PPFIBP1: variants seen among roughly 807,000 people sequenced by gnomAD.
PPFIBP1 encodes PPFIB scaffold protein 1, also known as liprin-beta-1.
A neutral mutation model predicts 137.8 loss-of-function variants in PPFIBP1; 112 were observed. The observed-to-expected ratio is 0.81, with a 90% CI of 0.70 to 0.95. The LOEUF is 0.95. Among genes scored for constraint, PPFIBP1 ranks in the 40% least tolerant of loss-of-function variants. The pLI is 0.00. For missense variants in PPFIBP1, 1,083 were observed against 1,196.6 expected (o/e 0.91, Z 1.40); for synonymous variants, 378 against 417.3 (o/e 0.91, Z 1.15).
intron 1 of PPFIBP1, among the ~76,000 whole-genome samples, chr12:27,555,424 T>C (rs961286018): frequency 1.3e-5 from 2 of 152,238 alleles, no homozygotes; most frequent in Admixed American, 1.3e-4. Flanking sequence ...ATAGATTCCT[T>C]ATTCCTTTAT....
chr12:27,659,523 G>A (rs1324580548), intron 10 of PPFIBP1, among the ~76,000 whole-genome samples: 1 of 152,054 alleles, frequency 6.6e-6, no homozygotes, highest in Non-Finnish European at 1.5e-5. Flanking sequence ...TGAGGTGGAA[G>A]GATCACTTGA....
intron 3 of PPFIBP1, among the ~76,000 whole-genome samples, chr12:27,634,246 T>C (rs1415980719): frequency 6.6e-6 from 1 of 151,286 alleles, no homozygotes; most frequent in African/African-American, 2.4e-5. Flanking sequence ...ACATGCATAG[T>C]GCAGCCTTGA....
At chr12:27,580,165 C>CA (rs1421089869) in intron 2 of PPFIBP1, among the ~76,000 whole-genome samples, 3 of 152,162 alleles carry the variant, frequency 2.0e-5, no homozygotes, top group Admixed American at 2.0e-4. Context: ...AAAATAGAGG[C>CA]AGGCCTGAGC....
chr12:27,684,470 A>G (rs915804982), intron 24 of PPFIBP1, among the ~76,000 whole-genome samples: 7 of 152,236 alleles, frequency 4.6e-5, no homozygotes, highest in African/African-American at 1.7e-4. Flanking sequence ...TACCCTAAGT[A>G]TAATCTTTTT....
intron 15 of PPFIBP1, among the ~76,000 whole-genome samples, chr12:27,673,373 TC>T (rs1260818148): frequency 2.6e-5 from 4 of 152,240 alleles, no homozygotes; most frequent in African/African-American, 9.6e-5. Context: ...AAGTGAAACT[TC>T]CATTCTTTAT....
At chr12:27,586,846 C>CCAAA (rs10661409) in intron 2 of PPFIBP1, among the ~76,000 whole-genome samples, 40,401 of 151,884 alleles carry the variant, frequency 0.27, 5,522 homozygotes, top group Middle Eastern at 0.32. Context: ...AAGAAAATGT[C>CCAAA]CAATTTGAAG....
chr12:27,549,645 G>A (rs1946570422), intron 1 of PPFIBP1, among the ~76,000 whole-genome samples: 1 of 151,594 alleles, frequency 6.6e-6, no homozygotes, highest in Non-Finnish European at 1.5e-5. Flanking sequence ...GTTGCCTGGA[G>A]ATATGGGAAA....
At chr12:27,642,767 A>G (rs1384521642) in intron 4 of PPFIBP1, among the ~76,000 whole-genome samples, 1 of 152,068 alleles carries the variant, frequency 6.6e-6, no homozygotes, top group Non-Finnish European at 1.5e-5. Flanking sequence ...AAAATGGAAG[A>G]AAGCTCATTA....
chr12:27,638,123 A>G (rs12306945), intron 4 of PPFIBP1, among the ~76,000 whole-genome samples: 2 of 151,872 alleles, frequency 1.3e-5, no homozygotes, highest in African/African-American at 4.8e-5. Flanking sequence ...AAAAGAGTTA[A>G]TTAGATGGAT....
At chr12:27,653,131 T>A (rs1234706030) in intron 7 of PPFIBP1, among the ~76,000 whole-genome samples, 1 of 152,224 alleles carries the variant, frequency 6.6e-6, no homozygotes, top group Non-Finnish European at 1.5e-5. Context: ...TCTTAGCCTT[T>A]GTGAACTTGA....
chr12:27,684,348 A>G (rs953675828), intron 24 of PPFIBP1, among the ~76,000 whole-genome samples: 1 of 151,690 alleles, frequency 6.6e-6, no homozygotes, highest in Non-Finnish European at 1.5e-5. Context: ...ACCTCAGGAG[A>G]TCCACCTGCC....
At chr12:27,576,632 T>C (rs139968829) in intron 1 of PPFIBP1, among the ~76,000 whole-genome samples, 321 of 152,324 alleles carry the variant, frequency 2.1e-3, no homozygotes, top group African/African-American at 7.1e-3. Flanking sequence ...ACTTGTATTT[T>C]ACCATAAAGG....
intron 17 of PPFIBP1, among the ~76,000 whole-genome samples, chr12:27,674,668 A>G (rs2060391733): frequency 6.6e-6 from 1 of 152,166 alleles, no homozygotes; most frequent in Non-Finnish European, 1.5e-5. Flanking sequence ...AATGTTCCTA[A>G]TGACCATAAC....
intron 15 of PPFIBP1, 149 bp downstream of exon 15, chr12:27,672,632 G>T (rs1344954951): frequency 1.4e-5 from 9 of 637,242 alleles, no homozygotes; most frequent in Non-Finnish European, 2.2e-5. Context: ...TTGGGTGGGG[G>T]TGAAGGTGGG....
At chr12:27,635,209 T>A in intron 4 of PPFIBP1, 94 bp downstream of exon 4, 1 of 1,209,704 alleles carries the variant, frequency 8.3e-7, no homozygotes, top group South Asian at 1.3e-5. Context: ...AAGAAAAGTT[T>A]AGGGCAACAC....
rs117160115 is a variant in PPFIBP1 at position 27,530,065 on chromosome 12, G to A, written c.-124+5700G>A. Among the ~76,000 whole-genome samples the A allele has an allele frequency of 5.2e-3, 797 of 152,286 alleles. 3 individuals carry two copies. The highest frequency in any genetic ancestry group is 0.018 in the South Asian group (85 of 4,816). On this transcript the variant is annotated intron_variant, in intron 1 of 29. Transcript: ENST00000228425. ...CTTTATTTAGAAAAAATGAAAACAA[G>A]GTTGAAACTCTGTGGTCTACTTTTT...
chr12:27,624,003 A>T (rs892204931), intron 2 of PPFIBP1, among the ~76,000 whole-genome samples: 1 of 152,110 alleles, frequency 6.6e-6, no homozygotes, highest in African/African-American at 2.4e-5. Context: ...GCTGTCATGG[A>T]GGTGGCGGTC....
intron 1 of PPFIBP1, among the ~76,000 whole-genome samples, chr12:27,560,689 G>A (rs891760195): frequency 1.9e-4 from 29 of 152,180 alleles, no homozygotes; most frequent in Admixed American, 1.9e-3. Flanking sequence ...GTTTTAAGAT[G>A]AGTAGATAGA....
chr12:27,626,720 C>T (rs2056849275), intron 2 of PPFIBP1, among the ~76,000 whole-genome samples: 1 of 152,124 alleles, frequency 6.6e-6, no homozygotes, highest in Admixed American at 6.5e-5. Context: ...GCTCACACCA[C>T]CACACCCAGC....
Sources: allele counts gnomAD v4.1 joint callset (sites outside exome capture counted in the v4.1 genomes callset), GRCh38; gene constraint gnomAD v4.1.1; transcripts MANE v1.5; gene names NCBI Gene and HGNC (gene_info 2026-07-23, HGNC 2026-07-21).